Variants in PPFIA2 observed in about 807,000 individuals in gnomAD.
PPFIA2 encodes the protein liprin-alpha-2.
PPFIA2 carries 46 observed loss-of-function variants against 175.5 expected under a neutral mutation model. The ratio of observed to expected loss-of-function variants is 0.26; its 90% CI spans 0.21 to 0.34. The LOEUF (loss-of-function observed/expected upper bound fraction) is 0.34. PPFIA2 is among the 10% of genes least tolerant of loss of function. PPFIA2 has a pLI of 1.00. For missense variants in PPFIA2, 1,179 were observed against 1,506.1 expected, an observed-to-expected ratio of 0.78 and a Z score of 3.60; for synonymous variants, 568 against 511.4, an observed-to-expected ratio of 1.11 and a Z score of -1.49.
At chr12:81,585,001 A>ATTATATG (rs1452740996) in intron 4 of PPFIA2, among the ~76,000 whole-genome samples, 1 of 100,670 alleles carries the variant, frequency 9.9e-6, no homozygotes, top group Admixed American at 1.4e-4. Flanking sequence ...TATATAATAT[A>ATTATATG]TTAATTATAT....
intron 27 of PPFIA2, among the ~76,000 whole-genome samples, 191 bp from the exon 28 acceptor site, chr12:81,277,605 G>A (rs1034161682): frequency 3.9e-5 from 6 of 151,938 alleles, no homozygotes; most frequent in South Asian, 2.1e-4. Context: ...AAAATGTTTC[G>A]AAGTAATAGA....
At chr12:81,597,741 ACTAT>A (rs2059396836) in intron 4 of PPFIA2, among the ~76,000 whole-genome samples, 1 of 36,210 alleles carries the variant, frequency 2.8e-5, no homozygotes, top group African/African-American at 2.0e-4. Flanking sequence ...AATTGTGTTC[ACTAT>A]TTTTTTTTTT....
chr12:81,362,011 A>G (rs1320318797), intron 15 of PPFIA2, among the ~76,000 whole-genome samples: 1 of 104,636 alleles, frequency 9.6e-6, no homozygotes, highest in Non-Finnish European at 1.8e-5. Context: ...CTATGTATCT[A>G]TCTATCTATC....
At chr12:81,586,090 T>A (rs184799520) in intron 4 of PPFIA2, among the ~76,000 whole-genome samples, 1 of 152,142 alleles carries the variant, frequency 6.6e-6, no homozygotes, top group East Asian at 1.9e-4. Flanking sequence ...AGTGGTTGTA[T>A]GACTGTATAT....
chr12:81,659,690 C>T (rs943522243), intron 4 of PPFIA2, among the ~76,000 whole-genome samples: 17 of 152,162 alleles, frequency 1.1e-4, no homozygotes, highest in African/African-American at 4.1e-4. Flanking sequence ...CCCTGTCTGA[C>T]AGCTTGGAAG....
chr12:81,718,445 G>GAAAGGGACAT (rs2078921073), intron 3 of PPFIA2, among the ~76,000 whole-genome samples: 1 of 151,596 alleles, frequency 6.6e-6, no homozygotes, highest in African/African-American at 2.4e-5. Flanking sequence ...GAAGCTAGAT[G>GAAAGGGACAT]AAAGGGGTCA....
chr12:81,464,058 C>G (rs1047579246), intron 4 of PPFIA2, among the ~76,000 whole-genome samples: 2 of 152,088 alleles, frequency 1.3e-5, no homozygotes, highest in African/African-American at 2.4e-5. Flanking sequence ...CCGCTCCCAT[C>G]ATTTTTTTCT....
intron 7 of PPFIA2, among the ~76,000 whole-genome samples, chr12:81,408,250 T>C (rs1349227424): frequency 2.0e-5 from 3 of 152,148 alleles, no homozygotes; most frequent in Non-Finnish European, 4.4e-5. Context: ...ACTTATTGCT[T>C]TTTGCATAAA....
At chr12:81,524,016 A>G (rs1341956948) in intron 4 of PPFIA2, among the ~76,000 whole-genome samples, 1 of 152,172 alleles carries the variant, frequency 6.6e-6, no homozygotes, top group Non-Finnish European at 1.5e-5. Context: ...TTCCACTACC[A>G]TACTTACATG....
chr12:81,319,884 T>G (rs2053273254), intron 22 of PPFIA2, among the ~76,000 whole-genome samples: 1 of 151,944 alleles, frequency 6.6e-6, no homozygotes, highest in Non-Finnish European at 1.5e-5. Flanking sequence ...ATCCTTCTTT[T>G]TGCTTTATCT....
intron 4 of PPFIA2, among the ~76,000 whole-genome samples, chr12:81,522,276 A>G (rs1355638820): frequency 1.3e-5 from 2 of 152,222 alleles, no homozygotes; most frequent in East Asian, 1.9e-4. Context: ...TCCTATGTGT[A>G]CAAACACCTT....
At chr12:81,599,450 ATT>A (rs1459716958) in intron 4 of PPFIA2, among the ~76,000 whole-genome samples, 1 of 152,012 alleles carries the variant, frequency 6.6e-6, no homozygotes, top group Non-Finnish European at 1.5e-5. Context: ...GTAGGTAATT[ATT>A]TAACTAGCAA....
intron 3 of PPFIA2, among the ~76,000 whole-genome samples, chr12:81,704,293 TCA>T: frequency 6.6e-6 from 1 of 152,274 alleles, no homozygotes; most frequent in East Asian, 1.9e-4. Flanking sequence ...ATATTATAGC[TCA>T]ATTAACAAGT....
chr12:81,728,532 CCT>C (rs765213526), intron 3 of PPFIA2, among the ~76,000 whole-genome samples: 3 of 151,106 alleles, frequency 2.0e-5, no homozygotes, highest in African/African-American at 4.8e-5. Flanking sequence ...TTGCTATCCC[CCT>C]CTCCTTCTCT....
intron 4 of PPFIA2, among the ~76,000 whole-genome samples, chr12:81,502,791 T>G (rs1162798799): frequency 6.6e-6 from 1 of 152,180 alleles, no homozygotes; most frequent in East Asian, 1.9e-4. Context: ...TGATAATTTC[T>G]TTCCTTTTAT....
chr12:81,537,355 G>A (rs1442838407), intron 4 of PPFIA2, among the ~76,000 whole-genome samples: 2 of 151,746 alleles, frequency 1.3e-5, no homozygotes, highest in Non-Finnish European at 1.5e-5. Flanking sequence ...AAGTAAAAAA[G>A]AGACATAAAT....
intron 20 of PPFIA2, among the ~76,000 whole-genome samples, chr12:81,340,870 A>T (rs1053858701): frequency 2.6e-5 from 4 of 152,134 alleles, no homozygotes; most frequent in African/African-American, 9.7e-5. Flanking sequence ...CAATAATAAG[A>T]CCACAAAGAT....
intron 7 of PPFIA2, among the ~76,000 whole-genome samples, chr12:81,406,639 T>C (rs1219805582): frequency 6.6e-6 from 1 of 152,084 alleles, no homozygotes; most frequent in African/African-American, 2.4e-5. Flanking sequence ...TCAGTCTTTT[T>C]AAAATGATGT....
At chr12:81,443,384 C>A (rs1043752304) in intron 6 of PPFIA2, among the ~76,000 whole-genome samples, 3 of 152,120 alleles carry the variant, frequency 2.0e-5, no homozygotes, top group Non-Finnish European at 4.4e-5. Flanking sequence ...TGTCCCTGAA[C>A]TCACCAATGT....
Sources: gnomAD v4.1 joint callset for allele counts (sites outside exome capture counted in the v4.1 genomes callset) on GRCh38, gnomAD v4.1.1 for gene constraint, MANE v1.5 for transcripts, NCBI Gene and HGNC (gene_info 2026-07-23, HGNC 2026-07-21) for gene names.